STS: variants seen among roughly 807,000 people sequenced by gnomAD.
STS encodes the protein steroid sulfatase.
A neutral mutation model predicts 26.8 loss-of-function variants in STS; 7 were observed. That is an observed-to-expected ratio of 0.26 (90% confidence interval 0.15 to 0.49). The LOEUF is 0.49. STS is among the 20% of genes least tolerant of loss of function. The pLI is 0.98. For missense variants in STS, 434 were observed against 465.6 expected (o/e 0.93, Z 0.63); for synonymous variants, 199 against 189.4 (o/e 1.05, Z -0.42).
At chrX:7,182,250 A>G (rs1481028906) in intron 1 of STS, among the ~76,000 whole-genome samples, 4 of 111,023 alleles carry the variant, frequency 3.6e-5, no homozygotes, top group African/African-American at 1.3e-4. Flanking sequence ...TGAAGAGGAG[A>G]GAGGTAAAGC....
intron 6 of STS, among the ~76,000 whole-genome samples, chrX:7,273,583 A>C (rs1046130212): frequency 2.7e-5 from 3 of 111,962 alleles, no homozygotes; most frequent in Non-Finnish European, 3.8e-5. Context: ...CTAGACAGAC[A>C]GGCCTTGCCG....
intron 10 of STS, among the ~76,000 whole-genome samples, chrX:7,347,236 G>A (rs763090852): frequency 9.0e-6 from 1 of 111,301 alleles, no homozygotes; most frequent in Admixed American, 9.6e-5. Flanking sequence ...CCAAAGTCGG[G>A]GTTGTTACCT....
chrX:7,201,593 G>C (rs182999387), intron 2 of STS, among the ~76,000 whole-genome samples: 10 of 109,427 alleles, frequency 9.1e-5, no homozygotes. Context: ...CTTGTGCTGT[G>C]GGAGGTATGT....
chrX:7,195,693 C>T lies in STS; in HGVS notation c.-5+4685C>T, dbSNP rs760104672. Among the ~76,000 whole-genome samples the T allele has an allele frequency of 3.5e-3, 393 of 112,562 alleles. 1 individual carries two copies. Among genetic ancestry groups the T allele is most frequent in the Non-Finnish European group, 6.2e-3 (330 of 53,322 alleles). On this transcript the variant is annotated intron_variant, in intron 2 of 10. Transcript: ENST00000674429. ...TTTATGTTCAGTGCTTGGCAAACTG[C>T]TCCTGTTGGAACCCTCAGGGTTCCT...
At chrX:7,272,732 G>A (rs1441669131) in intron 6 of STS, among the ~76,000 whole-genome samples, 3 of 111,630 alleles carry the variant, frequency 2.7e-5, no homozygotes, top group Middle Eastern at 4.2e-3. Context: ...ATCACTTTGC[G>A]GGTGTCAGGA....
At chrX:7,208,673 T>G (rs929476223) in intron 2 of STS, among the ~76,000 whole-genome samples, 2 of 111,872 alleles carry the variant, frequency 1.8e-5, no homozygotes, top group African/African-American at 3.2e-5. Flanking sequence ...TCCTTCCTTA[T>G]ATTTTTCCTT....
chrX:7,154,750 G>A (rs745638624), intron 1 of STS, among the ~76,000 whole-genome samples: 2 of 111,344 alleles, frequency 1.8e-5, no homozygotes, highest in South Asian at 3.8e-4. Flanking sequence ...GGACCACAAC[G>A]TGAATAGATA....
chrX:7,225,369 T>A (rs768120295), intron 2 of STS, among the ~76,000 whole-genome samples: 1 of 110,930 alleles, frequency 9.0e-6, no homozygotes, highest in South Asian at 3.8e-4. Context: ...AGCAAAAAAA[T>A]TCAGAACACA....
intron 7 of STS, among the ~76,000 whole-genome samples, chrX:7,280,932 A>G (rs1339590779): frequency 8.9e-6 from 1 of 112,625 alleles, no homozygotes. Context: ...CATGCCTGTA[A>G]TCCCAGGTGG....
intron 2 of STS, among the ~76,000 whole-genome samples, chrX:7,206,202 GCT>G (rs1247824545): frequency 1.8e-5 from 2 of 111,892 alleles, no homozygotes; most frequent in Non-Finnish European, 3.8e-5. Context: ...GTAATCTCTT[GCT>G]CTCTCTCAGT....
intron 1 of STS, among the ~76,000 whole-genome samples, chrX:7,163,694 A>C (rs1490024033): frequency 8.9e-6 from 1 of 112,736 alleles, no homozygotes; most frequent in African/African-American, 3.2e-5. Flanking sequence ...AGAAAAGAAA[A>C]ACATTGAAAA....
chrX:7,205,599 TTTTTCTTTTCTTTTCTTTCG>T (rs1934202291), intron 2 of STS, among the ~76,000 whole-genome samples: 1 of 94,978 alleles, frequency 1.1e-5, no homozygotes, highest in East Asian at 3.4e-4. Flanking sequence ...TTTCTTTTTC[TTTTTCTTTTCTTTTCTTTCG>T]TTTTCTTTTC....
At chrX:7,280,115 A>G (rs1263669611) in intron 7 of STS, among the ~76,000 whole-genome samples, 1 of 111,996 alleles carries the variant, frequency 8.9e-6, no homozygotes, top group African/African-American at 3.2e-5. Flanking sequence ...GGACAGATCT[A>G]GTTCATTCAT....
chrX:7,217,814 A>G (rs1921372102), intron 2 of STS, among the ~76,000 whole-genome samples: 1 of 111,946 alleles, frequency 8.9e-6, no homozygotes, highest in African/African-American at 3.3e-5. Context: ...AACATATTAA[A>G]TATGTTTTAA....
chrX:7,166,771 A>G (rs1933359143), intron 1 of STS, among the ~76,000 whole-genome samples: 1 of 111,777 alleles, frequency 8.9e-6, no homozygotes, highest in African/African-American at 3.3e-5. Context: ...TGGGAAGTTC[A>G]TAGAATCAAA....
chrX:7,179,482 A>G (rs1416378058), intron 1 of STS, among the ~76,000 whole-genome samples: 1 of 112,391 alleles, frequency 8.9e-6, no homozygotes, highest in Non-Finnish European at 1.9e-5. Context: ...AGTGGTAACT[A>G]GCTTTCTCTA....
At chrX:7,174,094 C>T (rs1261002059) in intron 1 of STS, among the ~76,000 whole-genome samples, 1 of 111,203 alleles carries the variant, frequency 9.0e-6, no homozygotes, top group African/African-American at 3.3e-5. Flanking sequence ...AATATCTGCA[C>T]ATACAATCAC....
At chrX:7,181,163 TAA>T (rs1355570610) in intron 1 of STS, among the ~76,000 whole-genome samples, 1 of 112,551 alleles carries the variant, frequency 8.9e-6, no homozygotes, top group Non-Finnish European at 1.9e-5. Context: ...ATGAATTCAA[TAA>T]AGTGTCATTT....
chrX:7,175,417 C>T (rs1933549920), intron 1 of STS, among the ~76,000 whole-genome samples: 1 of 110,591 alleles, frequency 9.0e-6, no homozygotes, highest in Non-Finnish European at 1.9e-5. Context: ...TAACCTGAGG[C>T]CAGAAGGTTG....
Sources: gnomAD v4.1 joint callset for allele counts (sites outside exome capture counted in the v4.1 genomes callset) on GRCh38, gnomAD v4.1.1 for gene constraint, MANE v1.5 for transcripts, NCBI Gene and HGNC (gene_info 2026-07-23, HGNC 2026-07-21) for gene names.